The following FAT4 variants were observed in gnomAD, a reference collection of about 807,000 sequenced individuals.
FAT4 encodes FAT atypical cadherin 4, also known as protocadherin Fat 4.
Under a neutral mutation model 303.9 loss-of-function variants are expected in FAT4, and 84 were observed. The ratio of observed to expected loss-of-function variants is 0.28; its 90% CI spans 0.23 to 0.33. FAT4 has a LOEUF of 0.33. FAT4 is among the 10% of genes least tolerant of loss of function. FAT4 has a pLI of 1.00. For missense variants in FAT4, 6,005 were observed against 6,146.8 expected (o/e 0.98, Z 0.77); for synonymous variants, 2,307 against 2,298.8 (o/e 1.00, Z -0.10).
chr4:125,379,517 T>C (rs914735758), intron 2 of FAT4, among the ~76,000 whole-genome samples: 7 of 152,114 alleles, frequency 4.6e-5, no homozygotes, highest in Admixed American at 1.3e-4. Context: ...TGGAGTACAG[T>C]TGTGCAATCT....
chr4:125,324,559 A>G (rs12500512), intron 2 of FAT4, among the ~76,000 whole-genome samples: 9,323 of 152,306 alleles, frequency 0.061, 517 homozygotes, highest in East Asian at 0.19. Flanking sequence ...TCAGAGCATA[A>G]TAATTATCTC....
At chr4:125,423,755 C>A (rs978593734) in intron 7 of FAT4, among the ~76,000 whole-genome samples, 1 of 152,146 alleles carries the variant, frequency 6.6e-6, no homozygotes, top group African/African-American at 2.4e-5. Flanking sequence ...CTGTACCCTG[C>A]AAAGCCACAG....
rs1351164062 is a variant in FAT4 at position 125,378,295 on chromosome 4, G to A, written c.5176-20489G>A. Among the ~76,000 whole-genome samples the A allele has an allele frequency of 2.0e-5, 3 of 152,226 alleles. 1 individual carries two copies. The highest frequency in any genetic ancestry group is 6.8e-3 in the Middle Eastern group (2 of 294). On this transcript the variant is annotated intron_variant, in intron 2 of 17. Coordinates refer to ENST00000394329, the MANE Select transcript of FAT4 (RefSeq NM_001291303.3). The stretch of plus-strand genomic sequence containing the variant: ...TGTAAGGTACATGAAAGCGGAGTAC[G>A]TGGTTGGTTTTGTTCATTGCTATAT...
intron 15 of FAT4, 27 bp from the exon 16 acceptor site, chr4:125,481,493 AT>A: frequency 1.9e-6 from 3 of 1,604,400 alleles, no homozygotes; most frequent in Non-Finnish European, 2.6e-6. Context: ...GAATGCATTC[AT>A]TTTCCCTTTT....
At chr4:125,489,025 T>C (rs1035398849) in intron 17 of FAT4, among the ~76,000 whole-genome samples, 2 of 152,144 alleles carry the variant, frequency 1.3e-5, no homozygotes, top group Non-Finnish European at 2.9e-5. Context: ...AGAATGTCAC[T>C]ATGGTAGAAT....
intron 7 of FAT4, among the ~76,000 whole-genome samples, chr4:125,430,157 TAAAA>T (rs10537393): frequency 5.8e-4 from 84 of 143,816 alleles, no homozygotes; most frequent in Admixed American, 1.0e-3. Context: ...ACTTAAAGTA[TAAAA>T]AAAAAAAAAA....
intron 2 of FAT4, among the ~76,000 whole-genome samples, chr4:125,361,116 C>T (rs1732649067): frequency 6.6e-6 from 1 of 151,306 alleles, no homozygotes; most frequent in African/African-American, 2.4e-5. Context: ...TACATTTTTC[C>T]CCAGTGGGGC....
rs1289756313 is a variant in FAT4 at position 125,319,045 on chromosome 4, G to A, written c.2634G>A (p.Met878Ile). ...GGGGCACAGTGACTGGAGACACTAT[G>A]GTTAACATAACAGTTAAGGATTTGA... ...ASGGTVTGDT[M>I]VNITVKDLND... is the part of the protein sequence containing the mutation. The change falls in exon 2 of 18, where the codon ATG (methionine) becomes ATA (isoleucine). Residue 878 changes from methionine (M) to isoleucine (I), a missense_variant. Transcript: ENST00000394329. 3.1e-6 allele frequency: 5 copies of A among 1,614,110 alleles called. No homozygotes were observed. In the South Asian group the frequency reaches 5.5e-5, roughly 18 times the overall value.
intron 2 of FAT4, among the ~76,000 whole-genome samples, chr4:125,353,203 CTTCA>C (rs1732296873): frequency 6.6e-6 from 1 of 151,640 alleles, no homozygotes; most frequent in Non-Finnish European, 1.5e-5. Flanking sequence ...AGAATGACTT[CTTCA>C]TTCAATCAGT....
In FAT4 at chr4:125,414,977, C is replaced by T; in HGVS notation, c.6014C>T (p.Ala2005Val). 1 of 1,613,922 alleles carries T rather than the reference C, an allele frequency of 6.2e-7. No individual in the cohort carries two copies. The change falls in exon 6 of 18, where the codon GCT becomes GTT. Residue 2005 changes from alanine to valine, a missense_variant. Physicochemically the swap from Ala to Val is moderately conservative, Grantham distance 64. Transcript: ENST00000394329. Reference protein sequence around the residue: ...DKNGVLKVLKALDRESQSFYN... With the variant: ...DKNGVLKVLKVLDRESQSFYN... ...AATGGTGTACTCAAAGTCCTAAAAG[C>T]TTTGGATCGGGAAAGTCAGTCCTTC...
intron 2 of FAT4, among the ~76,000 whole-genome samples, chr4:125,368,297 T>G (rs1047525050): frequency 2.0e-5 from 3 of 151,940 alleles, no homozygotes; most frequent in African/African-American, 7.2e-5. Flanking sequence ...AACCATGTTT[T>G]TAATCTGACT....
chr4:125,449,148 A>T lies in FAT4; in HGVS notation c.8138A>T (p.Asn2713Ile). 6.2e-7 allele frequency: 1 copy of T among 1,614,000 alleles called. No homozygotes were observed. The highest frequency in any genetic ancestry group is 1.1e-5 in the South Asian group (1 of 91,074). ...GQLDYEIVNG[N>I]MENSFSINHA... is the part of the protein sequence containing the mutation. ...TTAGATTATGAAATTGTTAATGGCA[A>T]CATGGAAAATAGTTTCAGTATCAAT... Residue 2713 changes from asparagine (N) to isoleucine (I), a missense_variant, in exon 10 of 18, where the codon AAC becomes ATC. Physicochemically the swap from Asn to Ile is moderately radical, Grantham distance 149. Coordinates refer to ENST00000394329, the MANE Select transcript of FAT4 (RefSeq NM_001291303.3).
intron 3 of FAT4, among the ~76,000 whole-genome samples, chr4:125,403,211 T>A: frequency 6.6e-6 from 1 of 152,174 alleles, no homozygotes; most frequent in South Asian, 2.1e-4. Context: ...TCCAAAACAA[T>A]CCTTTTTGGC....
At chr4:125,453,744 G>A (rs4834042) in intron 10 of FAT4, among the ~76,000 whole-genome samples, 76,175 of 151,502 alleles carry the variant, frequency 0.5, 19,700 homozygotes, top group East Asian at 0.67. Flanking sequence ...CTAATGGTTG[G>A]GTAGAAAGCA....
At chr4:125,478,858 ACTTTTCACTTC>A (rs1727124481) in intron 14 of FAT4, among the ~76,000 whole-genome samples, 1 of 151,998 alleles carries the variant, frequency 6.6e-6, no homozygotes, top group Admixed American at 6.6e-5. Context: ...AAGTCAGTTA[ACTTTTCACTTC>A]TTGGCTCAAA....
chr4:125,452,508 A>G lies in FAT4; in HGVS notation c.11498A>G (p.Glu3833Gly), dbSNP rs753139391. ...GTGAGCTCCGTATTAAAAAGCCGTG[A>G]GAGTCTTCCAGTCATCATCGTGGCA... The part of the protein sequence containing the change: ...LAVSSVLKSR[E>G]SLPVIIVANE... The change falls in exon 10 of 18, where the codon GAG becomes GGG. Residue 3833 changes from glutamate to glycine, a missense_variant. Physicochemically the swap from Glu to Gly is moderately conservative, Grantham distance 98. Transcript: ENST00000394329. 1.6e-5 allele frequency: 26 copies of G among 1,613,978 alleles called. 1 individual carries two copies. The East Asian group carries it at 5.3e-4, about 33-fold the overall frequency.
rs758367201 is a variant in FAT4, at chr4:125,451,945, G to T, written c.10935G>T (p.Val3645=). The T allele has an allele frequency of 8.1e-6, 13 of 1,614,144 alleles. No homozygotes were observed. In the East Asian group the frequency reaches 2.7e-4, roughly 33 times the overall value. Residue 3645 remains valine (V), a synonymous_variant, in exon 10 of 18, where the codon GTG becomes GTT. Coordinates refer to ENST00000394329, the MANE Select transcript of FAT4 (RefSeq NM_001291303.3). The part of the protein sequence containing the change: ...LGSVKPQDPD[V]LDSFHCSLTS... ...CTGTGAAGCCACAGGATCCAGATGTGTTAGACAGCTTCCACTGCTCCCTTA... is the reference window on the plus strand; with the variant it reads ...CTGTGAAGCCACAGGATCCAGATGTTTTAGACAGCTTCCACTGCTCCCTTA...
intron 2 of FAT4, among the ~76,000 whole-genome samples, chr4:125,349,830 G>T (rs529313189): frequency 6.6e-6 from 1 of 151,486 alleles, no homozygotes; most frequent in Non-Finnish European, 1.5e-5. Flanking sequence ...TTTTTACAAA[G>T]GTGAAGGACA....
rs137910997 is a variant in FAT4 at position 125,366,717 on chromosome 4, C to T, written c.5176-32067C>T. On this transcript the variant is annotated intron_variant, in intron 2 of 17. Coordinates refer to ENST00000394329, the MANE Select transcript of FAT4 (RefSeq NM_001291303.3). ...TTGAACTAATTTACAGTCCCACCTACGGTGTACACATGTTATTTTTTCTCT... is the reference window on the plus strand; with the variant it reads ...TTGAACTAATTTACAGTCCCACCTATGGTGTACACATGTTATTTTTTCTCT... Among the ~76,000 whole-genome samples the T allele has an allele frequency of 5.1e-3, 780 of 152,180 alleles. 5 individuals carry two copies. The highest frequency in any genetic ancestry group is 0.014 in the African/African-American group (573 of 41,536).
Sources: gnomAD v4.1 joint callset for allele counts (sites outside exome capture counted in the v4.1 genomes callset) on GRCh38, gnomAD v4.1.1 for gene constraint, MANE v1.5 for transcripts, NCBI Gene and HGNC (gene_info 2026-07-23, HGNC 2026-07-21) for gene names.